Variants in STARD13 observed in about 807,000 individuals in gnomAD.
STARD13 encodes the protein stAR-related lipid transfer protein 13.
A neutral mutation model predicts 106.4 loss-of-function variants in STARD13; 62 were observed. The observed-to-expected ratio is 0.58, with a 90% confidence interval of 0.48 to 0.72. STARD13 has a LOEUF of 0.72. Among genes scored for constraint, STARD13 ranks in the 30% least tolerant of loss-of-function variants. The probability of loss-of-function intolerance (pLI) is 0.00; values close to 1 mark genes in which losing one functional copy is unlikely to be tolerated. For synonymous variants in STARD13, 565 were observed against 553.0 expected (o/e 1.02, Z -0.31); for missense variants, 1,387 against 1,424.0 (o/e 0.97, Z 0.42).
At chr13:33,161,127 T>C (rs1290587333) in intron 3 of STARD13, among the ~76,000 whole-genome samples, 2 of 152,156 alleles carry the variant, frequency 1.3e-5, no homozygotes, top group Non-Finnish European at 2.9e-5. Context: ...AAATGAATTT[T>C]TATTATTTTA....
At chr13:33,382,440 T>G in the STARD13 span, among the ~76,000 whole-genome samples, 1 of 152,200 alleles carries the variant, frequency 6.6e-6, no homozygotes, top group African/African-American at 2.4e-5. Context: ...TATCTCTTCC[T>G]ACTTAGCATT....
chr13:33,546,175 A>G, the STARD13 span, among the ~76,000 whole-genome samples: 2,533 of 152,268 alleles, frequency 0.017, 73 homozygotes, highest in African/African-American at 0.056. Flanking sequence ...TTTTCTTTCA[A>G]AAATAATTCC....
the STARD13 span, among the ~76,000 whole-genome samples, chr13:33,467,252 C>T: frequency 1.1e-3 from 162 of 151,790 alleles, 1 homozygote; most frequent in African/African-American, 2.3e-3. Flanking sequence ...CTGGGGGTGA[C>T]GGGAGACAGT....
At chr13:33,666,913 A>G in the STARD13 span, among the ~76,000 whole-genome samples, 1 of 152,192 alleles carries the variant, frequency 6.6e-6, no homozygotes, top group African/African-American at 2.4e-5. Flanking sequence ...TTAACCACAT[A>G]TATTTAAAAA....
At chr13:33,356,064 A>G in the STARD13 span, among the ~76,000 whole-genome samples, 1 of 152,228 alleles carries the variant, frequency 6.6e-6, no homozygotes. Flanking sequence ...CTTTACAAAT[A>G]TCACAATTCC....
intron 1 of STARD13, among the ~76,000 whole-genome samples, chr13:33,207,034 G>A (rs73179031): frequency 0.014 from 2,160 of 152,250 alleles, 61 homozygotes; most frequent in Admixed American, 0.072. Flanking sequence ...TGCAACATTC[G>A]TATTGTTATT....
At chr13:33,385,498 G>A in the STARD13 span, among the ~76,000 whole-genome samples, 1 of 142,994 alleles carries the variant, frequency 7.0e-6, no homozygotes, top group Non-Finnish European at 1.5e-5. Context: ...AAAATGACCA[G>A]CATTTTTACC....
the STARD13 span, among the ~76,000 whole-genome samples, chr13:33,517,286 C>A: frequency 2.5e-3 from 377 of 152,184 alleles, 3 homozygotes; most frequent in East Asian, 0.01. Flanking sequence ...ATTCGTTTTG[C>A]CTACCTCTAC....
intron 3 of STARD13, among the ~76,000 whole-genome samples, chr13:33,146,838 C>G (rs1173586165): frequency 6.6e-6 from 1 of 152,148 alleles, no homozygotes; most frequent in Non-Finnish European, 1.5e-5. Flanking sequence ...CATTCAAACC[C>G]ACCCTATTCC....
chr13:33,349,178 G>T (rs916520965), exon 2 of STARD13: 2 of 702,182 alleles, frequency 2.8e-6, no homozygotes, highest in African/African-American at 3.5e-5. Flanking sequence ...ACTTTCTTCT[G>T]CCCCATGTGG....
chr13:33,579,104 A>G, the STARD13 span, among the ~76,000 whole-genome samples: 1 of 152,140 alleles, frequency 6.6e-6, no homozygotes, highest in Non-Finnish European at 1.5e-5. Context: ...GATTTCTCAA[A>G]CAACTAAAAG....
intron 8 of STARD13, among the ~76,000 whole-genome samples, chr13:33,117,033 A>T (rs1410044957): frequency 6.6e-6 from 1 of 152,194 alleles, no homozygotes; most frequent in Non-Finnish European, 1.5e-5. Flanking sequence ...TTTTTCCCCC[A>T]TGAATTGGGA....
chr13:33,270,078 A>C (rs1057332849), intron 1 of STARD13, among the ~76,000 whole-genome samples: 2 of 152,162 alleles, frequency 1.3e-5, no homozygotes, highest in African/African-American at 4.8e-5. Context: ...TGTACTAAAA[A>C]TACAAAAATT....
chr13:33,513,859 T>A, the STARD13 span, among the ~76,000 whole-genome samples: 1 of 152,034 alleles, frequency 6.6e-6, no homozygotes, highest in African/African-American at 2.4e-5. Flanking sequence ...ATTAATGAAG[T>A]CCCCACTAAT....
chr13:33,443,854 A>G, the STARD13 span, among the ~76,000 whole-genome samples: 1 of 145,638 alleles, frequency 6.9e-6, no homozygotes, highest in Non-Finnish European at 1.5e-5. Flanking sequence ...GTGCCACTGC[A>G]CTCCAGCCTG....
chr13:33,110,562 G>C (rs1415982036), intron 11 of STARD13, 124 bp downstream of exon 11: 1 of 780,148 alleles, frequency 1.3e-6, no homozygotes, highest in South Asian at 1.6e-5. Flanking sequence ...TGGTTCATGT[G>C]CCTTAACTGT....
chr13:33,185,821 A>G (rs1885704503), intron 1 of STARD13: 1 of 1,577,446 alleles, frequency 6.3e-7, no homozygotes, highest in African/African-American at 1.3e-5. Flanking sequence ...AGGCTAAGTA[A>G]CAAGTTCACA....
the STARD13 span, among the ~76,000 whole-genome samples, chr13:33,389,274 C>A: frequency 6.6e-6 from 1 of 152,054 alleles, no homozygotes; most frequent in East Asian, 1.9e-4. Flanking sequence ...GGTTAGTGGT[C>A]CTCCTAAGAC....
chr13:33,394,844 G>A, the STARD13 span, among the ~76,000 whole-genome samples: 1 of 152,212 alleles, frequency 6.6e-6, no homozygotes. Context: ...GTAGACAGAT[G>A]CAATGGCCTG....
Sources: allele counts gnomAD v4.1 joint callset (sites outside exome capture counted in the v4.1 genomes callset), GRCh38; gene constraint gnomAD v4.1.1; transcripts MANE v1.5; gene names NCBI Gene and HGNC (gene_info 2026-07-23, HGNC 2026-07-21).